Variants in CBLB observed in about 807,000 individuals in gnomAD.
CBLB encodes E3 ubiquitin-protein ligase CBL-B.
Under a neutral mutation model 104.9 loss-of-function variants are expected in CBLB, and 31 were observed. The observed-to-expected ratio is 0.30, with a 90% CI of 0.22 to 0.40. The LOEUF (loss-of-function observed/expected upper bound fraction) is 0.40, where lower values mean the gene tolerates loss of function less well. CBLB is among the 10% of genes least tolerant of loss of function. The pLI is 1.00. For synonymous variants in CBLB, 440 were observed against 422.6 expected (o/e 1.04, Z -0.51); for missense variants, 1,062 against 1,214.6 (o/e 0.87, Z 1.87).
At chr3:105,766,023 A>C (rs1459134197) in intron 4 of CBLB, among the ~76,000 whole-genome samples, 1 of 152,200 alleles carries the variant, frequency 6.6e-6, no homozygotes, top group Non-Finnish European at 1.5e-5. Context: ...TTTATGATTC[A>C]AGGGAGGAGG....
At chr3:105,745,313 C>G (rs1008772736) in intron 6 of CBLB, among the ~76,000 whole-genome samples, 1 of 152,192 alleles carries the variant, frequency 6.6e-6, no homozygotes, top group African/African-American at 2.4e-5. Flanking sequence ...TTGGCCAAAG[C>G]CACAGGGGCT....
intron 3 of CBLB, among the ~76,000 whole-genome samples, chr3:105,819,685 G>A (rs914746363): frequency 3.3e-5 from 5 of 152,008 alleles, no homozygotes; most frequent in African/African-American, 9.7e-5. Context: ...TTCATTCAAC[G>A]GACACCATGC....
intron 12 of CBLB, among the ~76,000 whole-genome samples, chr3:105,698,125 T>C (rs1471298276): frequency 6.6e-6 from 1 of 152,030 alleles, no homozygotes. Flanking sequence ...GATCCACATT[T>C]AAAGTAAAGT....
intron 3 of CBLB, among the ~76,000 whole-genome samples, chr3:105,780,667 T>TTTG (rs2080127924): frequency 1.6e-5 from 2 of 121,242 alleles, no homozygotes; most frequent in Non-Finnish European, 3.4e-5. Context: ...TTTGTTTTTT[T>TTTG]TTTTTTTTTT....
chr3:105,773,640 G>A (rs1303621876), intron 4 of CBLB, among the ~76,000 whole-genome samples: 3 of 152,104 alleles, frequency 2.0e-5, no homozygotes, highest in Non-Finnish European at 4.4e-5. Context: ...CGAGCTTCAT[G>A]CTTAAAGTTT....
intron 13 of CBLB, 146 bp from the exon 14 acceptor site, chr3:105,685,612 T>C: frequency 4.3e-6 from 3 of 704,008 alleles, no homozygotes; most frequent in East Asian, 2.7e-5. Flanking sequence ...GCTGTTCTTA[T>C]ATCAAATACA....
intron 9 of CBLB, among the ~76,000 whole-genome samples, chr3:105,725,231 G>A (rs1305160353): frequency 6.6e-6 from 1 of 152,136 alleles, no homozygotes; most frequent in Non-Finnish European, 1.5e-5. Context: ...CATTTCTGAG[G>A]ACACGTTTTT....
rs41305839 is a variant in CBLB at position 105,720,301 on chromosome 3, C to T, written c.1204-51G>A. ...TGGTTTTGTTCAAAATAAACAGTAC[C>T]GAGAAATGCTAATAATGTTCTACAA... On this transcript the variant is annotated intron_variant, in intron 9 of 18. Transcript: ENST00000394030. The T allele has an allele frequency of 5.9e-3, 8,685 of 1,481,118 alleles. 38 individuals are homozygous for T. The highest frequency in any genetic ancestry group is 7.2e-3 in the Non-Finnish European group (7,727 of 1,074,420). 91.7% of individuals were successfully genotyped at this position (1,481,118 alleles called of 1,614,324 possible).
chr3:105,863,207 C>G (rs1438945079), intron 2 of CBLB, among the ~76,000 whole-genome samples: 1 of 152,128 alleles, frequency 6.6e-6, no homozygotes, highest in Non-Finnish European at 1.5e-5. Flanking sequence ...TCATATGATT[C>G]CTTTAAATCT....
chr3:105,729,082 G>A (rs961737207), intron 9 of CBLB, among the ~76,000 whole-genome samples: 2 of 152,062 alleles, frequency 1.3e-5, no homozygotes, highest in African/African-American at 4.8e-5. Context: ...GATTCTAACT[G>A]ATTTATCATA....
At chr3:105,761,251 C>A (rs1464309784) in intron 4 of CBLB, among the ~76,000 whole-genome samples, 1 of 152,120 alleles carries the variant, frequency 6.6e-6, no homozygotes, top group Non-Finnish European at 1.5e-5. Context: ...AGGCTGGTCT[C>A]GAACTTCTGG....
chr3:105,704,054 A>T lies in CBLB; in HGVS notation c.1527T>A (p.Pro509=). The change falls in exon 11 of 19, where the codon CCT becomes CCA. Residue 509 remains proline, a synonymous_variant. Coordinates refer to ENST00000394030, the MANE Select transcript of CBLB (RefSeq NM_170662.5). ...TGCCTTTCTGAATTAGATCCAGGCGAGGAGGCACGGGTGGCAGGCTTAGAT... is the reference window on the plus strand; with the variant it reads ...TGCCTTTCTGAATTAGATCCAGGCGTGGAGGCACGGGTGGCAGGCTTAGAT... The part of the protein sequence containing the change: ...IPHLSLPPVP[P]RLDLIQKGIV... 1 of 1,614,142 alleles carries T rather than the reference A, an allele frequency of 6.2e-7. No individual in the cohort carries two copies. The highest frequency in any genetic ancestry group is 8.5e-7 in the Non-Finnish European group (1 of 1,179,996).
At chr3:105,841,295 C>A (rs368581058) in intron 3 of CBLB, among the ~76,000 whole-genome samples, 382 of 123,780 alleles carry the variant, frequency 3.1e-3, no homozygotes, top group Middle Eastern at 4.3e-3. Flanking sequence ...GACTTCATTT[C>A]AAAAAAAAAA....
Position 105,779,669 on chromosome 3 carries a change from G to A in CBLB, c.420-3127C>T, listed in dbSNP as rs372745277. On this transcript the variant is annotated intron_variant, in intron 3 of 18. Transcript: ENST00000394030. ...AAAGAACTGACAAACTCATTCTGTT[G>A]GAGCTTAAAAGGAAAAAAAAAAGAG... 2.7e-4 allele frequency among the ~76,000 whole-genome samples: 41 copies of A among 150,314 alleles called. No homozygotes were observed. The South Asian group carries it at 8.0e-3, about 29-fold the overall frequency.
chr3:105,835,326 AACT>A (rs770358751), intron 3 of CBLB, among the ~76,000 whole-genome samples: 1 of 152,224 alleles, frequency 6.6e-6, no homozygotes. Context: ...TGATGTGTAA[AACT>A]ACTATCTCAC....
At chr3:105,684,700 C>T (rs1183575894) in intron 14 of CBLB, among the ~76,000 whole-genome samples, 1 of 151,906 alleles carries the variant, frequency 6.6e-6, no homozygotes, top group Non-Finnish European at 1.5e-5. Flanking sequence ...TTACAGGCGC[C>T]CACCACCACA....
At position 105,776,508 on chromosome 3, in the gene CBLB, G is replaced by T; in HGVS notation, c.454C>A (p.His152Asn). The T allele has an allele frequency of 6.2e-7, 1 of 1,613,796 alleles. No individual in the cohort carries two copies. The highest frequency in any genetic ancestry group is 1.1e-5 in the South Asian group (1 of 91,064). ...NLTKLSLIFS[H>N]MLAEIKAIFP... ...ATTGCTTTGATTTCTGCCAGCATGTGACTGAAGATAAGGGACAGTTTTGTG... is the reference window on the plus strand; with the variant it reads ...ATTGCTTTGATTTCTGCCAGCATGTTACTGAAGATAAGGGACAGTTTTGTG... Residue 152 changes from histidine to asparagine, a missense_variant, in exon 4 of 19, where the codon CAC becomes AAC. This residue lies in a region of CBLB where 457 missense variants were observed against 632.0 expected (regional missense o/e 0.72). Transcript: ENST00000394030.
chr3:105,834,371 A>C (rs2088089707), intron 3 of CBLB, among the ~76,000 whole-genome samples: 1 of 152,190 alleles, frequency 6.6e-6, no homozygotes, highest in South Asian at 2.1e-4. Context: ...AAATAAAGAA[A>C]TAGGGCTGGA....
rs1428673514 is a variant in CBLB at position 105,867,443 on chromosome 3, G to C, written c.135C>G (p.Thr45=). 3.7e-6 allele frequency: 6 copies of C among 1,614,094 alleles called. No homozygotes were observed. Among genetic ancestry groups the C allele is most frequent in the Admixed American group, 3.3e-5 (2 of 60,022 alleles). Residue 45 remains threonine, a synonymous_variant, in exon 2 of 19, where the codon ACC becomes ACG. Coordinates refer to ENST00000394030, the MANE Select transcript of CBLB (RefSeq NM_170662.5). ...PPKQAAADRR[T]VEKTWKLMDK... The stretch of plus-strand genomic sequence containing the variant: ...CCATGAGCTTCCAAGTCTTCTCCAC[G>C]GTCCTGCGATCTGCGGCAGCTTGCT...
Sources: allele counts gnomAD v4.1 joint callset (sites outside exome capture counted in the v4.1 genomes callset), GRCh38; gene constraint gnomAD v4.1.1; regional missense constraint gnomAD v4.1.1; transcripts MANE v1.5; gene names NCBI Gene and HGNC (gene_info 2026-07-23, HGNC 2026-07-21).